TMEM116: variants seen among roughly 807,000 people sequenced by gnomAD.
TMEM116 encodes transmembrane protein 116.
TMEM116 carries 38 observed loss-of-function variants against 44.3 expected under a neutral mutation model. The ratio of observed to expected loss-of-function variants is 0.86; its 90% CI spans 0.66 to 1.12. TMEM116 has a LOEUF of 1.12. TMEM116 is among the 50% of genes most tolerant of loss of function. TMEM116 has a pLI of 0.00. For synonymous variants in TMEM116, 132 were observed against 144.8 expected (o/e 0.91, Z 0.64); for missense variants, 354 against 401.7 (o/e 0.88, Z 1.01).
intron 2 of TMEM116, among the ~76,000 whole-genome samples, chr12:112,005,033 C>T (rs868021098): frequency 5.3e-5 from 8 of 152,262 alleles, no homozygotes; most frequent in Admixed American, 3.9e-4. Flanking sequence ...TCCTGCTGAC[C>T]AGGTTGTCCA....
intron 4 of TMEM116, among the ~76,000 whole-genome samples, chr12:111,974,020 A>C (rs1216074429): frequency 1.3e-5 from 2 of 152,216 alleles, no homozygotes; most frequent in African/African-American, 2.4e-5. Flanking sequence ...TTCAACATTC[A>C]AAAGTAAATC....
Position 111,934,025 on chromosome 12 carries a change from T to G in TMEM116, c.594A>C (p.Leu198Phe). The G allele has an allele frequency of 6.2e-7, 1 of 1,614,076 alleles. No individual in the cohort carries two copies. Among genetic ancestry groups the G allele is most frequent in the Non-Finnish European group, 8.5e-7 (1 of 1,179,990 alleles). The change falls in exon 9 of 11, where the codon TTA (leucine) becomes TTC (phenylalanine). Residue 198 changes from leucine to phenylalanine, a missense_variant. Coordinates refer to ENST00000552374, the MANE Select transcript of TMEM116 (RefSeq NM_001193531.2). ...FVLSLLTIMV[L>F]LIRAQTLYKK... is the part of the protein sequence containing the mutation. ...TATACAATGTCTGGGCTCGGATAAGTAAGACCTAAATATGAGTACAGCAGT... is the reference window on the plus strand; with the variant it reads ...TATACAATGTCTGGGCTCGGATAAGGAAGACCTAAATATGAGTACAGCAGT...
At chr12:111,992,268 A>C (rs1220472965) in intron 3 of TMEM116, among the ~76,000 whole-genome samples, 3 of 148,732 alleles carry the variant, frequency 2.0e-5, no homozygotes, top group Non-Finnish European at 4.5e-5. Context: ...AACATCTTCT[A>C]CTTTTTTTTT....
intron 4 of TMEM116, among the ~76,000 whole-genome samples, chr12:111,949,681 G>A (rs911709824): frequency 3.9e-5 from 6 of 152,136 alleles, no homozygotes; most frequent in African/African-American, 1.4e-4. Flanking sequence ...ATTAGACTGT[G>A]GCCCTGAGGA....
chr12:111,984,836 T>A (rs1466233077), intron 4 of TMEM116, among the ~76,000 whole-genome samples: 2 of 150,378 alleles, frequency 1.3e-5, no homozygotes, highest in East Asian at 3.9e-4. Context: ...CCCACAAAAT[T>A]AAAAAAAAAA....
chr12:111,947,219 TTAAA>T (rs2073360476), intron 4 of TMEM116, among the ~76,000 whole-genome samples: 1 of 151,850 alleles, frequency 6.6e-6, no homozygotes, highest in African/African-American at 2.4e-5. Flanking sequence ...GTCACTCTGG[TTAAA>T]TAAATGATTA....
At chr12:111,945,343 CAAAAAAAA>C (rs917839133) in intron 4 of TMEM116, among the ~76,000 whole-genome samples, 3 of 33,814 alleles carry the variant, frequency 8.9e-5, no homozygotes, top group South Asian at 8.2e-4. Flanking sequence ...GACTCCATCT[CAAAAAAAA>C]AAAAAAAAAA....
chr12:111,972,585 T>C (rs2075408982), intron 4 of TMEM116, among the ~76,000 whole-genome samples: 1 of 152,082 alleles, frequency 6.6e-6, no homozygotes, highest in Non-Finnish European at 1.5e-5. Context: ...TTCTAGACCA[T>C]AAAATAAGTC....
chr12:111,954,390 T>C (rs932168830), intron 4 of TMEM116, among the ~76,000 whole-genome samples: 4 of 152,206 alleles, frequency 2.6e-5, no homozygotes, highest in Non-Finnish European at 5.9e-5. Context: ...AATGAAAGGA[T>C]TGCAAGTGAA....
chr12:112,007,914 C>T (rs1248637789), intron 1 of TMEM116, among the ~76,000 whole-genome samples: 1 of 152,226 alleles, frequency 6.6e-6, no homozygotes, highest in African/African-American at 2.4e-5. Context: ...ATATTCAGCA[C>T]TTTGTCCCTT....
At chr12:111,940,399 G>T (rs1034361231) in intron 5 of TMEM116, among the ~76,000 whole-genome samples, 6 of 147,324 alleles carry the variant, frequency 4.1e-5, no homozygotes, top group African/African-American at 1.5e-4. Context: ...GTTTCACTCT[G>T]TTACTCAGGC....
At chr12:111,938,936 T>A (rs2072421736) in intron 5 of TMEM116, among the ~76,000 whole-genome samples, 1 of 152,156 alleles carries the variant, frequency 6.6e-6, no homozygotes, top group Non-Finnish European at 1.5e-5. Context: ...CAATAAGCAT[T>A]AAGTGAGTAA....
At chr12:111,939,892 G>GTGTGTGTGTGTGTGTA (rs2072550396) in intron 5 of TMEM116, among the ~76,000 whole-genome samples, 1 of 124,140 alleles carries the variant, frequency 8.1e-6, no homozygotes, top group Non-Finnish European at 1.5e-5. Context: ...GTGTGTGTGT[G>GTGTGTGTGTGTGTGTA]TGTGTGTGTG....
At chr12:112,009,315 A>G (rs192702922) in intron 1 of TMEM116, among the ~76,000 whole-genome samples, 6 of 152,216 alleles carry the variant, frequency 3.9e-5, no homozygotes, top group Admixed American at 3.9e-4. Flanking sequence ...AACCCAATAA[A>G]CCATTTGAGA....
In TMEM116 at chr12:111,931,527, A is replaced by C; in HGVS notation, c.*94T>G. ...CTTTGAGTTCTGCAGTTTAGGGCAT[A>C]GTTAGAAAAGATTTAAGATGTCCTT... is the stretch of plus-strand genomic sequence containing the variant. On this transcript the variant is annotated 3_prime_UTR_variant, in exon 11 of 11. Transcript: ENST00000552374. 1.6e-6 allele frequency: 2 copies of C among 1,238,054 alleles called. No homozygotes were observed. Among genetic ancestry groups the C allele is most frequent in the Non-Finnish European group, 2.3e-6 (2 of 859,248 alleles). The allele number at this position is 1,238,054 out of a possible 1,614,324, so 76.7% of individuals were successfully genotyped here. A position where few individuals can be genotyped will look rare whatever the true frequency, so the allele number is the denominator to read the frequency against.
chr12:112,003,254 C>T (rs1226033455), intron 3 of TMEM116, among the ~76,000 whole-genome samples: 3 of 152,232 alleles, frequency 2.0e-5, no homozygotes, highest in African/African-American at 7.2e-5. Flanking sequence ...TTAATGCATA[C>T]CAAAGAAATC....
intron 4 of TMEM116, among the ~76,000 whole-genome samples, chr12:111,957,280 A>T (rs1252308861): frequency 6.7e-6 from 1 of 148,164 alleles, no homozygotes; most frequent in African/African-American, 2.5e-5. Context: ...CCCGGCCATG[A>T]TCCCGTCTGG....
intron 4 of TMEM116, among the ~76,000 whole-genome samples, chr12:111,970,388 T>C (rs1160324146): frequency 3.3e-5 from 5 of 151,992 alleles, no homozygotes; most frequent in Non-Finnish European, 5.9e-5. Context: ...GAAATCCTAA[T>C]ACCTGGGTAA....
chr12:111,980,383 A>C (rs963676574), intron 4 of TMEM116, among the ~76,000 whole-genome samples: 4 of 152,192 alleles, frequency 2.6e-5, no homozygotes, highest in African/African-American at 9.7e-5. Context: ...TAGAAACCAT[A>C]AAAATATCAA....
Sources: gnomAD v4.1 joint callset for allele counts (sites outside exome capture counted in the v4.1 genomes callset) on GRCh38, gnomAD v4.1.1 for gene constraint, MANE v1.5 for transcripts, NCBI Gene and HGNC (gene_info 2026-07-23, HGNC 2026-07-21) for gene names.